Variants in CHN2 observed in about 807,000 individuals in gnomAD.
The protein encoded by CHN2 is beta-chimaerin.
CHN2 carries 35 observed loss-of-function variants against 56.3 expected under a neutral mutation model. The observed-to-expected ratio is 0.62, with a 90% CI of 0.47 to 0.82. The LOEUF (loss-of-function observed/expected upper bound fraction) is 0.82. Among genes scored for constraint, CHN2 ranks in the 40% least tolerant of loss-of-function variants. The pLI is 0.00. For missense variants in CHN2, 491 were observed against 580.5 expected (o/e 0.85, Z 1.58); for synonymous variants, 210 against 212.8 (o/e 0.99, Z 0.12).
At chr7:29,483,112 C>T (rs1368993727) in intron 7 of CHN2, among the ~76,000 whole-genome samples, 1 of 152,076 alleles carries the variant, frequency 6.6e-6, no homozygotes, top group Non-Finnish European at 1.5e-5. Context: ...TGAGCCACCG[C>T]GCCCGGCCTG....
intron 1 of CHN2, among the ~76,000 whole-genome samples, chr7:29,230,748 C>CT (rs1197390767): frequency 6.6e-6 from 1 of 152,112 alleles, no homozygotes; most frequent in Non-Finnish European, 1.5e-5. Context: ...TCTGATTTTT[C>CT]TTTTTTTCTC....
chr7:29,389,778 G>C (rs1801212915), intron 3 of CHN2, among the ~76,000 whole-genome samples: 1 of 152,056 alleles, frequency 6.6e-6, no homozygotes, highest in Non-Finnish European at 1.5e-5. Context: ...AGCCGGCCAG[G>C]CACGGTGGCT....
intron 6 of CHN2, among the ~76,000 whole-genome samples, chr7:29,405,644 A>G (rs1802591191): frequency 6.6e-6 from 1 of 152,186 alleles, no homozygotes; most frequent in Non-Finnish European, 1.5e-5. Context: ...GCAAAACCAA[A>G]GAGAGTTACC....
chr7:29,362,537 C>G (rs10257739), intron 2 of CHN2, among the ~76,000 whole-genome samples: 2,138 of 152,282 alleles, frequency 0.014, 57 homozygotes, highest in African/African-American at 0.048. Context: ...GGAGGACAGT[C>G]ACGGTCCCCA....
chr7:29,199,610 G>C (rs1377265219), intron 1 of CHN2: 1 of 152,186 alleles, frequency 6.6e-6, no homozygotes, highest in African/African-American at 2.4e-5. Context: ...TATTTACTCA[G>C]ATGAGGAGTA....
chr7:29,427,478 A>C (rs1194001128), intron 6 of CHN2, among the ~76,000 whole-genome samples: 6 of 152,026 alleles, frequency 3.9e-5, no homozygotes, highest in Non-Finnish European at 8.8e-5. Flanking sequence ...GTCAAAGGTC[A>C]TAGGGGGCAT....
intron 2 of CHN2, among the ~76,000 whole-genome samples, chr7:29,164,115 C>T (rs2128715014): frequency 6.6e-6 from 1 of 152,216 alleles, no homozygotes; most frequent in South Asian, 2.1e-4. Context: ...TTTTCCATTC[C>T]CACCAGCAGT....
chr7:29,310,034 G>T (rs1024518177), intron 1 of CHN2, among the ~76,000 whole-genome samples: 1 of 152,216 alleles, frequency 6.6e-6, no homozygotes, highest in East Asian at 1.9e-4. Context: ...TTTCCTAGGT[G>T]GGGGGACCAA....
At chr7:29,210,352 G>A (rs1003216471) in intron 1 of CHN2, among the ~76,000 whole-genome samples, 5 of 151,982 alleles carry the variant, frequency 3.3e-5, no homozygotes, top group African/African-American at 4.8e-5. Flanking sequence ...GCTCCAAGGC[G>A]GTATCATACA....
At chr7:29,290,657 T>A (rs1792526146) in intron 1 of CHN2, among the ~76,000 whole-genome samples, 1 of 152,176 alleles carries the variant, frequency 6.6e-6, no homozygotes. Flanking sequence ...AAGATGATAT[T>A]TATGGACAAA....
intron 1 of CHN2, among the ~76,000 whole-genome samples, chr7:29,284,993 A>C (rs1792032532): frequency 6.6e-6 from 1 of 152,182 alleles, no homozygotes; most frequent in South Asian, 2.1e-4. Flanking sequence ...TTGTTTAATC[A>C]AACTTTTCCT....
At chr7:29,251,052 T>C (rs1788471187) in intron 1 of CHN2, among the ~76,000 whole-genome samples, 1 of 152,236 alleles carries the variant, frequency 6.6e-6, no homozygotes, top group Admixed American at 6.5e-5. Flanking sequence ...TGATCACTTA[T>C]TAATTATGGG....
chr7:29,337,158 G>T (rs1796688564), intron 1 of CHN2, among the ~76,000 whole-genome samples: 1 of 152,176 alleles, frequency 6.6e-6, no homozygotes, highest in Non-Finnish European at 1.5e-5. Flanking sequence ...TTGTTAAATG[G>T]AGAGAGGAGA....
chr7:29,169,276 G>A (rs1231918175), intron 2 of CHN2, among the ~76,000 whole-genome samples: 3 of 152,110 alleles, frequency 2.0e-5, no homozygotes, highest in African/African-American at 7.2e-5. Context: ...ATTCTGGGAA[G>A]AACATTCTAT....
chr7:29,203,278 C>T (rs1453063470), intron 1 of CHN2, among the ~76,000 whole-genome samples: 1 of 151,956 alleles, frequency 6.6e-6, no homozygotes, highest in African/African-American at 2.4e-5. Flanking sequence ...ATCAGCCTGA[C>T]CATCATGGTG....
At chr7:29,286,273 AC>A (rs1285143402) in intron 1 of CHN2, among the ~76,000 whole-genome samples, 1 of 149,402 alleles carries the variant, frequency 6.7e-6, no homozygotes, top group African/African-American at 2.5e-5. Flanking sequence ...CTTAGAGGAT[AC>A]CAGTGAACCT....
chr7:29,163,334 CTA>C (rs961313966), intron 2 of CHN2, among the ~76,000 whole-genome samples: 22 of 151,910 alleles, frequency 1.4e-4, no homozygotes, highest in Non-Finnish European at 2.5e-4. Context: ...TTAAAATACT[CTA>C]TATTGAATTA....
chr7:29,507,424 C>T (rs1357797424), intron 11 of CHN2, 59 bp downstream of exon 11: 3 of 1,284,856 alleles, frequency 2.3e-6, no homozygotes, highest in Non-Finnish European at 3.3e-6. Context: ...GTGCTTTTGA[C>T]CTTCAGATAA....
At position 29,153,490 on chromosome 7, in the gene CHN2, A is replaced by G. The variant is rs562487110; in HGVS notation, c.274+6530A>G. 3.3e-4 allele frequency among the ~76,000 whole-genome samples: 50 copies of G among 152,280 alleles called. 1 individual carries two copies. The East Asian group carries it at 6.0e-3, about 18-fold the overall frequency. ...CTTCTTCTCCTCTTCAGCCTATTCAATGTGAAGACAATGAGGATGAAGACC... is the reference window on the plus strand; with the variant it reads ...CTTCTTCTCCTCTTCAGCCTATTCAGTGTGAAGACAATGAGGATGAAGACC... On this transcript the variant is annotated intron_variant, in intron 2 of 6. Coordinates refer to the CHN2 transcript ENST00000439384.
Sources: gnomAD v4.1 joint callset for allele counts (sites outside exome capture counted in the v4.1 genomes callset) on GRCh38, gnomAD v4.1.1 for gene constraint, MANE v1.5 for transcripts, NCBI Gene and HGNC (gene_info 2026-07-23, HGNC 2026-07-21) for gene names.